Variants in VSIG10 observed in about 807,000 individuals in gnomAD.
The protein encoded by VSIG10 is V-set and immunoglobulin domain containing 10, also known as V-set and immunoglobulin domain-containing protein 10.
A neutral mutation model predicts 58.7 loss-of-function variants in VSIG10; 48 were observed. That is an observed-to-expected ratio of 0.82 (90% CI 0.65 to 1.04). VSIG10 has a LOEUF of 1.04. Ranked by LOEUF, VSIG10 falls within the 50% of genes least tolerant of loss-of-function variation. The probability of loss-of-function intolerance (pLI) is 0.00; values close to 1 mark genes in which losing one functional copy is unlikely to be tolerated. For synonymous variants in VSIG10, 260 were observed against 267.1 expected, an observed-to-expected ratio of 0.97 and a Z score of 0.26; for missense variants, 628 against 670.0, an observed-to-expected ratio of 0.94 and a Z score of 0.69.
chr12:118,093,256 G>A (rs1402654832), intron 2 of VSIG10, among the ~76,000 whole-genome samples: 3 of 150,572 alleles, frequency 2.0e-5, no homozygotes, highest in East Asian at 2.0e-4. Flanking sequence ...CTGAGATTGC[G>A]CCACTGCACT....
At chr12:118,100,648 T>C (rs2033600619) in intron 1 of VSIG10, among the ~76,000 whole-genome samples, 1 of 152,098 alleles carries the variant, frequency 6.6e-6, no homozygotes, top group Admixed American at 6.5e-5. Context: ...CCCGCCTCAG[T>C]CTTCTGAGTA....
intron 4 of VSIG10, among the ~76,000 whole-genome samples, chr12:118,078,316 G>A (rs578146770): frequency 1.6e-4 from 25 of 152,066 alleles, no homozygotes; most frequent in Middle Eastern, 3.4e-3. Flanking sequence ...GCGCCACCAC[G>A]CCCAACTAAT....
chr12:118,094,247 C>T (rs771409604), intron 2 of VSIG10, among the ~76,000 whole-genome samples: 3 of 151,956 alleles, frequency 2.0e-5, no homozygotes, highest in Non-Finnish European at 2.9e-5. Flanking sequence ...CCCACACCAC[C>T]GCACCTGGCT....
At chr12:118,100,496 C>CAA (rs369608710) in intron 1 of VSIG10, among the ~76,000 whole-genome samples, 146 of 144,762 alleles carry the variant, frequency 1.0e-3, no homozygotes, top group South Asian at 1.8e-3. Context: ...GACTCTGTCT[C>CAA]AAAAAAAAAA....
chr12:118,073,976 G>C lies in VSIG10; in HGVS notation c.942C>G (p.Leu314=), dbSNP rs758460555. The part of the protein sequence containing the change: ...CMVQIRGPSL[L]SEPMKTCFTG... ...TGAAGCAAGTCTTCATGGGCTCAGA[G>C]AGAAGGGAGGGACCCCCTGGTGATC... is the stretch of plus-strand genomic sequence containing the variant. The change falls in exon 5 of 9, where the codon CTC becomes CTG. Residue 314 remains leucine (L), a synonymous_variant. Coordinates refer to ENST00000359236, the MANE Select transcript of VSIG10 (RefSeq NM_019086.6). 6.4e-6 allele frequency: 10 copies of C among 1,569,764 alleles called. No individual in the cohort carries two copies. In the Admixed American group the frequency reaches 1.5e-4, roughly 23 times the overall value.
At chr12:118,093,298 C>CA (rs200934233) in intron 2 of VSIG10, among the ~76,000 whole-genome samples, 143 of 131,988 alleles carry the variant, frequency 1.1e-3, no homozygotes, top group Admixed American at 1.8e-3. Flanking sequence ...GACTCCATCT[C>CA]AAAAAAAAAA....
At chr12:118,085,957 G>T (rs544788529) in intron 2 of VSIG10, among the ~76,000 whole-genome samples, 1 of 150,944 alleles carries the variant, frequency 6.6e-6, no homozygotes, top group Non-Finnish European at 1.5e-5. Context: ...AGGAGTTCAA[G>T]ACCCAGCCTG....
In VSIG10 at chr12:118,073,679, G is replaced by A. The variant is rs748403200; in HGVS notation, c.1219+20C>T. On this transcript the variant is annotated intron_variant, in intron 5 of 8. Transcript: ENST00000359236. ...GAAGCTCTGAACCCTCCCTCCTTCAGGCCCAGTTCCACCACTCACCTTTCA... is the reference window on the plus strand; with the variant it reads ...GAAGCTCTGAACCCTCCCTCCTTCAAGCCCAGTTCCACCACTCACCTTTCA... 2 of 1,583,656 alleles carry A rather than the reference G, an allele frequency of 1.3e-6. No homozygotes were observed. Among genetic ancestry groups the A allele is most frequent in the Non-Finnish European group, 1.7e-6 (2 of 1,162,422 alleles).
At chr12:118,091,924 A>C (rs558779551) in intron 2 of VSIG10, among the ~76,000 whole-genome samples, 88 of 151,826 alleles carry the variant, frequency 5.8e-4, no homozygotes, top group African/African-American at 2.1e-3. Flanking sequence ...CACCTGGCTA[A>C]TTTCTTGTAT....
At chr12:118,068,192 TTC>T (rs1230234263) in intron 8 of VSIG10, among the ~76,000 whole-genome samples, 183 bp downstream of exon 8, 1 of 135,398 alleles carries the variant, frequency 7.4e-6, no homozygotes, top group African/African-American at 2.9e-5. Flanking sequence ...CGGCTAATTT[TTC>T]TTTTTTTTTT....
intron 2 of VSIG10, among the ~76,000 whole-genome samples, chr12:118,086,049 C>G (rs954797513): frequency 6.6e-6 from 1 of 151,600 alleles, no homozygotes; most frequent in Non-Finnish European, 1.5e-5. Flanking sequence ...ATACCACCTA[C>G]TTGGGAGGCG....
intron 2 of VSIG10, among the ~76,000 whole-genome samples, chr12:118,085,314 A>C (rs1334163080): frequency 6.6e-6 from 1 of 152,226 alleles, no homozygotes; most frequent in Non-Finnish European, 1.5e-5. Context: ...GCTAGAGAGG[A>C]GGTCCCCATC....
intron 2 of VSIG10, 128 bp downstream of exon 2, chr12:118,095,405 T>C (rs993691228): frequency 6.6e-6 from 8 of 1,220,002 alleles, no homozygotes; most frequent in Non-Finnish European, 9.2e-6. Flanking sequence ...TCCCTCAGCT[T>C]CCATGTGGCA....
intron 1 of VSIG10, 41 bp downstream of exon 1, chr12:118,103,552 T>A: frequency 6.7e-7 from 1 of 1,494,362 alleles, no homozygotes; most frequent in Non-Finnish European, 8.9e-7. Flanking sequence ...CACCGCTGAC[T>A]GGGAAAACTC....
chr12:118,079,566 T>A lies in VSIG10; in HGVS notation c.705A>T (p.Ala235=), dbSNP rs1029177181. ...PSAPQCWAQM[A]SGSFMLQLTC... ...TAAGCTGCAACATGAACGATCCTGA[T>A]GCCATCTGTGCCCAGCACTGGGGAG... The change falls in exon 4 of 9, where the codon GCA becomes GCT. Residue 235 remains alanine, a synonymous_variant. Transcript: ENST00000359236. 5 of 1,613,902 alleles carry A rather than the reference T, an allele frequency of 3.1e-6. No homozygotes were observed. The African/African-American group carries it at 6.7e-5, about 22-fold the overall frequency.
rs185858778 is a variant in VSIG10 at position 118,066,652 on chromosome 12, T to C, written c.1610A>G (p.Asp537Gly). The C allele has an allele frequency of 5.2e-4, 841 of 1,613,312 alleles. 1 individual carries two copies. The highest frequency in any genetic ancestry group is 6.5e-4 in the Non-Finnish European group (768 of 1,179,590). Reference sequence around the variant, plus strand: ...CCATCCTCTTCTTCAGACTGGCCTGTCTTCTTCTTGAACAATGTCACTTTG... The same window carrying C: ...CCATCCTCTTCTTCAGACTGGCCTGCCTTCTTCTTGAACAATGTCACTTTG... Reference protein sequence around the residue: ...EEQSDIVQEEDRPV With the variant: ...EEQSDIVQEEGRPV Residue 537 changes from aspartate to glycine, a missense_variant, in exon 9 of 9, where the codon GAC (aspartate) becomes GGC (glycine). Asp to Gly is a moderately conservative substitution (Grantham distance 94). Transcript: ENST00000359236.
intron 1 of VSIG10, among the ~76,000 whole-genome samples, chr12:118,100,034 GA>G (rs1318069942): frequency 2.0e-5 from 3 of 152,226 alleles, no homozygotes; most frequent in Non-Finnish European, 4.4e-5. Context: ...TAATGACAGA[GA>G]TTCCAAAACA....
chr12:118,082,085 G>A, intron 3 of VSIG10, 42 bp downstream of exon 3: 2 of 1,590,068 alleles, frequency 1.3e-6, no homozygotes, highest in Non-Finnish European at 8.6e-7. Flanking sequence ...TTCACAAAGG[G>A]TTAAGGGGAA....
intron 2 of VSIG10, among the ~76,000 whole-genome samples, chr12:118,094,754 T>A (rs2033395930): frequency 6.6e-6 from 1 of 151,596 alleles, no homozygotes; most frequent in Non-Finnish European, 1.5e-5. Flanking sequence ...TTTTTTTTTC[T>A]GAGACGGAGT....
Sources: gnomAD v4.1 joint callset for allele counts (sites outside exome capture counted in the v4.1 genomes callset) on GRCh38, gnomAD v4.1.1 for gene constraint, MANE v1.5 for transcripts, NCBI Gene and HGNC (gene_info 2026-07-23, HGNC 2026-07-21) for gene names.